The following NF1 variants were observed in gnomAD, a reference collection of about 807,000 sequenced individuals.
NF1 encodes neurofibromin.
In NF1, 122 loss-of-function variants were observed where a neutral mutation model predicts 325.7. That is an observed-to-expected ratio of 0.37 (90% CI 0.32 to 0.44). The LOEUF (loss-of-function observed/expected upper bound fraction) is 0.44, where lower values mean the gene tolerates loss of function less well. Among genes scored for constraint, NF1 ranks in the 20% least tolerant of loss-of-function variants. The pLI, the probability that NF1 is intolerant of heterozygous loss-of-function variation, is 1.00. For missense variants in NF1, 2,140 were observed against 3,415.4 expected (o/e 0.63, Z 9.31); for synonymous variants, 1,091 against 1,186.0 (o/e 0.92, Z 1.65).
chr17:31,215,187 G>A (rs2066799276), intron 13 of NF1, among the ~76,000 whole-genome samples: 1 of 152,124 alleles, frequency 6.6e-6, no homozygotes, highest in Non-Finnish European at 1.5e-5. Context: ...GAGCAGTGAT[G>A]GCTCACTGCC....
chr17:31,230,265 T>C lies in NF1; in HGVS notation c.2996T>C (p.Val999Ala), dbSNP rs2151431478. 1 of 1,613,436 alleles carries C rather than the reference T, an allele frequency of 6.2e-7. No homozygotes were observed. Among genetic ancestry groups the C allele is most frequent in the African/African-American group, 1.3e-5 (1 of 75,026 alleles). ...ETMMLNLVRY[V>A]RVLGNMVHAI... ...TTGTTTCTATGTCTATATAGGTATG[T>C]TCGTGTGCTTGGGAATATGGTCCAT... Residue 999 changes from valine (V) to alanine (A), a missense_variant, in exon 23 of 58, where the codon GTT (valine) becomes GCT (alanine). Physicochemically the swap from Val to Ala is moderately conservative, Grantham distance 64 (BLOSUM62 0). Transcript: ENST00000358273.
At chr17:31,204,071 A>G (rs558356772) in intron 11 of NF1, among the ~76,000 whole-genome samples, 29 of 152,208 alleles carry the variant, frequency 1.9e-4, no homozygotes, top group Non-Finnish European at 3.2e-4. Flanking sequence ...TAATAGTTGT[A>G]AGATCTATGT....
intron 3 of NF1, among the ~76,000 whole-genome samples, chr17:31,159,446 T>G (rs554334109): frequency 1.3e-5 from 2 of 152,312 alleles, no homozygotes; most frequent in South Asian, 4.1e-4. Context: ...CCAAGAGTAA[T>G]CTTGTATTTC....
chr17:31,230,043 T>G, intron 22 of NF1, 69 bp downstream of exon 22: 1 of 1,571,126 alleles, frequency 6.4e-7, no homozygotes, highest in Non-Finnish European at 8.7e-7. Context: ...ACACTGATAC[T>G]GGTAGTAATT....
chr17:31,132,561 T>G (rs553417165), intron 1 of NF1, among the ~76,000 whole-genome samples: 3 of 152,242 alleles, frequency 2.0e-5, no homozygotes, highest in South Asian at 4.1e-4. Context: ...AAGACTCATT[T>G]CTTAGCTTTT....
chr17:31,230,494 G>T, intron 23 of NF1, 112 bp downstream of exon 23: 1 of 1,325,028 alleles, frequency 7.5e-7, no homozygotes, highest in African/African-American at 1.5e-5. Flanking sequence ...TGAAAAGAGA[G>T]CAATTTACAT....
At chr17:31,242,812 G>A (rs1205715137) in intron 29 of NF1, among the ~76,000 whole-genome samples, 1 of 152,012 alleles carries the variant, frequency 6.6e-6, no homozygotes, top group African/African-American at 2.4e-5. Flanking sequence ...TAATTCCTTC[G>A]GTGGGTCATG....
chr17:31,324,671 C>T (rs1356934988), intron 36 of NF1, among the ~76,000 whole-genome samples: 3 of 152,180 alleles, frequency 2.0e-5, no homozygotes, highest in East Asian at 1.9e-4. Flanking sequence ...AAGTGATTCT[C>T]GTGCCTCAGC....
chr17:31,201,195 G>A (rs1597682292), intron 10 of NF1, 36 bp downstream of exon 10: 3 of 1,612,734 alleles, frequency 1.9e-6, no homozygotes, highest in Middle Eastern at 3.3e-4. Flanking sequence ...TATATTTACT[G>A]ATGCTGTTAT....
At chr17:31,114,216 C>T (rs1913690740) in intron 1 of NF1, among the ~76,000 whole-genome samples, 1 of 152,154 alleles carries the variant, frequency 6.6e-6, no homozygotes, top group African/African-American at 2.4e-5. Context: ...TTCTGCTGTA[C>T]ATTCCATGTT....
chr17:31,305,743 A>G, intron 36 of NF1: 1 of 857,540 alleles, frequency 1.2e-6, no homozygotes, highest in Non-Finnish European at 1.8e-6. Flanking sequence ...ATTATTCCTA[A>G]TTAGTAGTAG....
At chr17:31,355,010 A>G (rs2070237260) in intron 51 of NF1, among the ~76,000 whole-genome samples, 1 of 152,186 alleles carries the variant, frequency 6.6e-6, no homozygotes, top group Non-Finnish European at 1.5e-5. Flanking sequence ...TACATGATAA[A>G]TTTAGGTTGA....
chr17:31,219,161 A>C (rs1284356968), intron 14 of NF1, 43 bp downstream of exon 14: 20 of 1,573,694 alleles, frequency 1.3e-5, no homozygotes, highest in Middle Eastern at 1.7e-4. Context: ...GAAAGATTGT[A>C]ACTATGTACA....
chr17:31,352,467 T>A (rs895464841), intron 51 of NF1, 53 bp downstream of exon 51: 101 of 1,429,398 alleles, frequency 7.1e-5, no homozygotes, highest in Middle Eastern at 2.5e-4. Context: ...AAAATAGATA[T>A]TTTTACTCTT....
At chr17:31,123,432 A>G (rs1389119101) in intron 1 of NF1, among the ~76,000 whole-genome samples, 1 of 151,962 alleles carries the variant, frequency 6.6e-6, no homozygotes, top group East Asian at 1.9e-4. Flanking sequence ...AGGAAAAGGG[A>G]TTATTCAGAA....
At chr17:31,196,382 AATTTT>A (rs769489479) in intron 8 of NF1, among the ~76,000 whole-genome samples, 1 of 151,816 alleles carries the variant, frequency 6.6e-6, no homozygotes, top group Admixed American at 6.5e-5. Flanking sequence ...TAAGGCTCTA[AATTTT>A]ATTTTATTTT....
intron 1 of NF1, among the ~76,000 whole-genome samples, chr17:31,113,633 G>A (rs1255818734): frequency 6.6e-6 from 1 of 152,080 alleles, no homozygotes; most frequent in African/African-American, 2.4e-5. Context: ...GGGCTCAAGT[G>A]ATCCTTCCAC....
chr17:31,243,180 C>CTGTGTGTGTG (rs1162406311), intron 29 of NF1, among the ~76,000 whole-genome samples: 1 of 73,260 alleles, frequency 1.4e-5, no homozygotes, highest in African/African-American at 1.0e-4. Context: ...GTCTCTCTCT[C>CTGTGTGTGTG]TGTCTGTGTG....
At chr17:31,178,478 A>G (rs896778839) in intron 5 of NF1, among the ~76,000 whole-genome samples, 2 of 152,112 alleles carry the variant, frequency 1.3e-5, no homozygotes, top group Non-Finnish European at 2.9e-5. Context: ...CTAAATAACC[A>G]GCTAGCATCA....
Sources: allele counts gnomAD v4.1 joint callset (sites outside exome capture counted in the v4.1 genomes callset), GRCh38; gene constraint gnomAD v4.1.1; transcripts MANE v1.5; gene names NCBI Gene and HGNC (gene_info 2026-07-23, HGNC 2026-07-21).